The following SDK1 variants were observed in gnomAD, a reference collection of about 807,000 sequenced individuals.
SDK1 encodes the protein sidekick cell adhesion molecule 1.
Under a neutral mutation model 245.5 loss-of-function variants are expected in SDK1, and 157 were observed. The ratio of observed to expected loss-of-function variants is 0.64; its 90% CI spans 0.56 to 0.73. SDK1 has a LOEUF of 0.73. Among genes scored for constraint, SDK1 ranks in the 30% least tolerant of loss-of-function variants. The probability of loss-of-function intolerance (pLI) is 0.00; values close to 1 mark genes in which losing one functional copy is unlikely to be tolerated. For missense variants in SDK1, 3,583 were observed against 3,002.3 expected, an observed-to-expected ratio of 1.19 and a Z score of -4.52; for synonymous variants, 1,647 against 1,278.5, an observed-to-expected ratio of 1.29 and a Z score of -6.15.
chr7:3,341,619 G>A (rs745794096), intron 1 of SDK1, among the ~76,000 whole-genome samples: 1 of 152,144 alleles, frequency 6.6e-6, no homozygotes, highest in Admixed American at 6.5e-5. Flanking sequence ...CTGCATACAG[G>A]ATCAACACAA....
chr7:4,145,702 C>G lies in SDK1; in HGVS notation c.4229-20C>G. 1 of 1,585,584 alleles carries G rather than the reference C, an allele frequency of 6.3e-7. No individual in the cohort carries two copies. Among genetic ancestry groups the G allele is most frequent in the East Asian group, 2.2e-5 (1 of 44,556 alleles). The stretch of plus-strand genomic sequence containing the variant: ...TGGGTGACTGGCTCAGCAGCTGTCT[C>G]CCATGTCACCTGCCTGCAGGGTACC... On this transcript the variant is annotated intron_variant, in intron 28 of 44. Coordinates refer to ENST00000404826, the MANE Select transcript of SDK1 (RefSeq NM_152744.4).
intron 1 of SDK1, among the ~76,000 whole-genome samples, chr7:3,586,339 A>G (rs1303614433): frequency 6.6e-6 from 1 of 152,042 alleles, no homozygotes; most frequent in African/African-American, 2.4e-5. Flanking sequence ...GGTGACCTTG[A>G]GAATGTGTTT....
intron 4 of SDK1, among the ~76,000 whole-genome samples, chr7:3,801,975 G>C (rs1435598701): frequency 6.6e-6 from 1 of 152,142 alleles, no homozygotes; most frequent in Non-Finnish European, 1.5e-5. Flanking sequence ...GATTGAGTAG[G>C]GGTATTCCTT....
rs11364780 is a variant in SDK1 at position 3,933,123 on chromosome 7, C to CTTTT, written c.848-17778_848-17775dup. On this transcript the variant is annotated intron_variant, in intron 5 of 44. Transcript: ENST00000404826. ...CCTCCGGCGGGAAATGCTCCTGGATCTTTTTTTTTTTTTTTTTTTTTTTTT... is the reference window on the plus strand; with the variant it reads ...CCTCCGGCGGGAAATGCTCCTGGATCTTTTTTTTTTTTTTTTTTTTTTTTTTTTT... 3.2e-3 allele frequency among the ~76,000 whole-genome samples: 263 copies of CTTTT among 83,282 alleles called. 23 individuals carry two copies. Among genetic ancestry groups the CTTTT allele is most frequent in the African/African-American group, 0.013 (238 of 17,916 alleles). The allele number at this position is 83,282 out of a possible 152,430, so 54.6% of individuals were successfully genotyped here. A position where few individuals can be genotyped will look rare whatever the true frequency, so the allele number is the denominator to read the frequency against.
chr7:3,866,168 C>T (rs933416989), intron 5 of SDK1, among the ~76,000 whole-genome samples: 2 of 152,186 alleles, frequency 1.3e-5, no homozygotes, highest in Non-Finnish European at 2.9e-5. Flanking sequence ...CATTCACAAC[C>T]ACCATATTGA....
chr7:3,568,019 C>T (rs1779983354), intron 1 of SDK1, among the ~76,000 whole-genome samples: 1 of 152,050 alleles, frequency 6.6e-6, no homozygotes, highest in Admixed American at 6.5e-5. Context: ...CCAGGTCTCA[C>T]TATGTTGTCC....
At chr7:3,510,463 C>T (rs913767528) in intron 1 of SDK1, among the ~76,000 whole-genome samples, 4 of 152,090 alleles carry the variant, frequency 2.6e-5, no homozygotes, top group South Asian at 2.1e-4. Context: ...TGACGTGAGG[C>T]GGATTAATAG....
chr7:3,378,870 C>A (rs1393713095), intron 1 of SDK1, among the ~76,000 whole-genome samples: 2 of 152,078 alleles, frequency 1.3e-5, no homozygotes, highest in Admixed American at 1.3e-4. Flanking sequence ...GTCGGCTCTG[C>A]TGTCTTCCTT....
intron 1 of SDK1, among the ~76,000 whole-genome samples, chr7:3,442,474 C>G (rs1583863956): frequency 6.6e-6 from 1 of 152,108 alleles, no homozygotes; most frequent in South Asian, 2.1e-4. Context: ...TGAGAGTGAG[C>G]CTACACTATC....
chr7:4,021,211 T>C (rs1434978638), intron 17 of SDK1, among the ~76,000 whole-genome samples: 1 of 152,070 alleles, frequency 6.6e-6, no homozygotes, highest in Non-Finnish European at 1.5e-5. Context: ...CTGTCATTCA[T>C]GAAATAAGAG....
intron 4 of SDK1, among the ~76,000 whole-genome samples, chr7:3,642,482 G>GT (rs997306224): frequency 4.0e-5 from 6 of 151,874 alleles, no homozygotes; most frequent in South Asian, 2.1e-4. Flanking sequence ...GTGCTGTGGG[G>GT]TTTTTTTTCC....
intron 28 of SDK1, among the ~76,000 whole-genome samples, chr7:4,133,296 A>G (rs1402951204): frequency 6.6e-6 from 1 of 152,234 alleles, no homozygotes; most frequent in East Asian, 1.9e-4. Context: ...CTATTTTAAA[A>G]CATCCCAGTT....
intron 4 of SDK1, among the ~76,000 whole-genome samples, chr7:3,744,666 G>C (rs946294445): frequency 2.0e-5 from 3 of 151,950 alleles, no homozygotes; most frequent in Non-Finnish European, 4.4e-5. Context: ...AAAAAAATTA[G>C]CCAGGCGTGG....
intron 14 of SDK1, among the ~76,000 whole-genome samples, chr7:4,000,793 G>A (rs1785017975): frequency 6.6e-6 from 1 of 152,208 alleles, no homozygotes; most frequent in African/African-American, 2.4e-5. Context: ...TTTTCGGGGA[G>A]CATTTCATAT....
intron 1 of SDK1, among the ~76,000 whole-genome samples, chr7:3,486,204 C>G (rs1327773096): frequency 4.6e-5 from 7 of 151,860 alleles, no homozygotes; most frequent in Admixed American, 4.6e-4. Flanking sequence ...TTTTGCTTAG[C>G]TTTTAATGTT....
intron 1 of SDK1, among the ~76,000 whole-genome samples, chr7:3,346,940 G>C (rs925778941): frequency 6.9e-6 from 1 of 144,564 alleles, no homozygotes; most frequent in Non-Finnish European, 1.5e-5. Context: ...CAAAGTGCTA[G>C]AATTATAGGC....
intron 4 of SDK1, among the ~76,000 whole-genome samples, chr7:3,727,492 G>C (rs943943409): frequency 6.6e-6 from 1 of 152,004 alleles, no homozygotes; most frequent in African/African-American, 2.4e-5. Flanking sequence ...GCCAGGGAGA[G>C]AATTTTCTTT....
chr7:3,829,587 C>A (rs1779864045), intron 5 of SDK1, among the ~76,000 whole-genome samples: 1 of 152,122 alleles, frequency 6.6e-6, no homozygotes, highest in Non-Finnish European at 1.5e-5. Context: ...CCTCGTTTCT[C>A]CAATGAAAGC....
chr7:4,146,331 C>T (rs1779978964), intron 29 of SDK1, among the ~76,000 whole-genome samples: 1 of 151,372 alleles, frequency 6.6e-6, no homozygotes, highest in East Asian at 1.9e-4. Flanking sequence ...CACAGCTGCT[C>T]TCTCAGACAT....
Sources: gnomAD v4.1 joint callset for allele counts (sites outside exome capture counted in the v4.1 genomes callset) on GRCh38, gnomAD v4.1.1 for gene constraint, MANE v1.5 for transcripts, NCBI Gene and HGNC (gene_info 2026-07-23, HGNC 2026-07-21) for gene names.